The following EML1 variants were observed in gnomAD, a reference collection of about 807,000 sequenced individuals.
EML1 encodes echinoderm microtubule-associated protein-like 1.
In EML1, 27 loss-of-function variants were observed where a neutral mutation model predicts 110.4. The ratio of observed to expected loss-of-function variants is 0.24; its 90% CI spans 0.18 to 0.34. EML1 has a LOEUF of 0.34. EML1 is among the 10% of genes least tolerant of loss of function. The pLI is 1.00. For synonymous variants in EML1, 344 were observed against 385.8 expected, an observed-to-expected ratio of 0.89 and a Z score of 1.27; for missense variants, 741 against 1,030.9, an observed-to-expected ratio of 0.72 and a Z score of 3.85.
At chr14:99,876,530 A>C (rs2059294901) in intron 3 of EML1, among the ~76,000 whole-genome samples, 1 of 151,946 alleles carries the variant, frequency 6.6e-6, no homozygotes, top group Non-Finnish European at 1.5e-5. Context: ...CACGTCTTTA[A>C]ACATTAGTTT....
chr14:99,804,462 C>T (rs1441550470), intron 1 of EML1, among the ~76,000 whole-genome samples: 2 of 152,234 alleles, frequency 1.3e-5, no homozygotes, highest in East Asian at 1.9e-4. Flanking sequence ...CCATTTTGAC[C>T]GACAAGGAAA....
chr14:99,802,423 T>G (rs2057897989), intron 1 of EML1, among the ~76,000 whole-genome samples: 1 of 148,454 alleles, frequency 6.7e-6, no homozygotes, highest in African/African-American at 2.5e-5. Flanking sequence ...CAGTCCAGGG[T>G]GGAGGTAGGA....
At chr14:99,863,020 A>C (rs1471395716) in intron 2 of EML1, among the ~76,000 whole-genome samples, 1 of 152,144 alleles carries the variant, frequency 6.6e-6, no homozygotes, top group Non-Finnish European at 1.5e-5. Flanking sequence ...TCTCTACTCT[A>C]GTGGCACATG....
intron 9 of EML1, among the ~76,000 whole-genome samples, chr14:99,902,672 G>A (rs186599887): frequency 2.6e-4 from 40 of 152,320 alleles, no homozygotes; most frequent in African/African-American, 8.4e-4. Flanking sequence ...ATGGAACTCT[G>A]TTCCATAAGG....
At chr14:99,889,092 A>C (rs1293643122) in intron 4 of EML1, among the ~76,000 whole-genome samples, 1 of 152,210 alleles carries the variant, frequency 6.6e-6, no homozygotes, top group African/African-American at 2.4e-5. Context: ...CCTGGAACTA[A>C]GTGCCAGGCA....
chr14:99,870,490 A>G (rs2059179183), intron 3 of EML1, among the ~76,000 whole-genome samples: 5 of 152,218 alleles, frequency 3.3e-5, no homozygotes, highest in South Asian at 4.1e-4. Flanking sequence ...CACATTTTCA[A>G]TGTAGATGAA....
At chr14:99,782,646 A>C (rs1412935248) in intron 1 of EML1, among the ~76,000 whole-genome samples, 1 of 152,158 alleles carries the variant, frequency 6.6e-6, no homozygotes, top group Non-Finnish European at 1.5e-5. Context: ...AAGGATGCTG[A>C]GGACCTTTGC....
chr14:99,941,048 A>G lies in EML1; in HGVS notation c.*936A>G, dbSNP rs867293287. The G allele has an allele frequency of 8.5e-5, 13 of 152,228 alleles. No homozygotes were observed. The highest frequency in any genetic ancestry group is 3.1e-4 in the African/African-American group (13 of 41,450). The allele number at this position is 152,228 out of a possible 1,614,324, so 9.4% of individuals were successfully genotyped here. ...CAGAAAGATCTCTCTCGAGCGTACC[A>G]TAAACCTGCAGAGAGAAGTCTCGAA... On this transcript the variant is annotated 3_prime_UTR_variant, in exon 22 of 22. Transcript: ENST00000262233.
chr14:99,932,238 C>A (rs977533461), intron 17 of EML1, among the ~76,000 whole-genome samples: 3 of 152,142 alleles, frequency 2.0e-5, no homozygotes, highest in African/African-American at 4.8e-5. Flanking sequence ...TGCATGAAGA[C>A]CGTGGATTAG....
At chr14:99,878,229 C>T (rs910850127) in intron 3 of EML1, among the ~76,000 whole-genome samples, 3 of 151,370 alleles carry the variant, frequency 2.0e-5, no homozygotes, top group Admixed American at 1.3e-4. Flanking sequence ...TGCTCTCACA[C>T]GGTACTGTTG....
intron 1 of EML1, among the ~76,000 whole-genome samples, chr14:99,756,122 GT>G (rs1030621452): frequency 7.9e-5 from 12 of 152,224 alleles, no homozygotes; most frequent in African/African-American, 2.9e-4. Flanking sequence ...GCTGGGTGGG[GT>G]CACCAGGGTG....
intron 9 of EML1, chr14:99,906,898 A>G (rs1268129953): frequency 6.6e-6 from 1 of 152,394 alleles, no homozygotes; most frequent in East Asian, 1.9e-4. Flanking sequence ...ATTCACACAC[A>G]TGTGCACGTG....
chr14:99,766,705 C>T (rs919110561), intron 1 of EML1, among the ~76,000 whole-genome samples: 10 of 152,212 alleles, frequency 6.6e-5, no homozygotes, highest in African/African-American at 1.9e-4. Context: ...GTTAAATGTC[C>T]GCCCAAATCA....
upstream of EML1, among the ~76,000 whole-genome samples, chr14:99,791,764 C>A (rs1182375645): frequency 6.6e-6 from 1 of 152,218 alleles, no homozygotes; most frequent in Non-Finnish European, 1.5e-5. Flanking sequence ...CAGTGGCCTG[C>A]CTGCGTGAAC....
At chr14:99,875,905 A>C (rs2059282860) in intron 3 of EML1, among the ~76,000 whole-genome samples, 2 of 152,228 alleles carry the variant, frequency 1.3e-5, no homozygotes, top group Non-Finnish European at 2.9e-5. Flanking sequence ...ACCTTAAGGC[A>C]CACCCTGCAG....
intron 2 of EML1, among the ~76,000 whole-genome samples, chr14:99,863,955 G>A (rs1212778566): frequency 1.3e-5 from 2 of 152,244 alleles, no homozygotes; most frequent in African/African-American, 2.4e-5. Flanking sequence ...CCACCAGCAA[G>A]GAATGAGAGT....
chr14:99,861,086 T>C (rs1054503764), intron 2 of EML1, among the ~76,000 whole-genome samples: 5 of 152,224 alleles, frequency 3.3e-5, no homozygotes, highest in African/African-American at 1.2e-4. Flanking sequence ...AACTTAGTAG[T>C]AACTCCAAAA....
In EML1 at chr14:99,941,993, C is replaced by T. The variant is rs193214319; in HGVS notation, c.*1881C>T. 7 of 152,310 alleles carry T rather than the reference C, an allele frequency of 4.6e-5. No individual in the cohort carries two copies. The highest frequency in any genetic ancestry group is 1.4e-4 in the African/African-American group (6 of 41,554). 9.4% of individuals were successfully genotyped at this position (152,310 alleles called of 1,614,324 possible). ...TACTGTTATATATATATGTAAACTA[C>T]TATTGCTCTCTTTATAATGATTAAT... On this transcript the variant is annotated 3_prime_UTR_variant, in exon 22 of 22. Coordinates refer to ENST00000262233, the MANE Select transcript of EML1 (RefSeq NM_004434.3).
chr14:99,811,771 C>T (rs2058084871), intron 1 of EML1, among the ~76,000 whole-genome samples: 1 of 151,376 alleles, frequency 6.6e-6, no homozygotes. Context: ...GATCACATCC[C>T]TGCACTCCAG....
Sources: gnomAD v4.1 joint callset for allele counts (sites outside exome capture counted in the v4.1 genomes callset) on GRCh38, gnomAD v4.1.1 for gene constraint, MANE v1.5 for transcripts, NCBI Gene and HGNC (gene_info 2026-07-23, HGNC 2026-07-21) for gene names.